Variants in ZEB1 observed in about 807,000 individuals in gnomAD.
ZEB1 encodes zinc finger E-box binding homeobox 1, also known as zinc finger E-box-binding homeobox 1.
A neutral mutation model predicts 84.9 loss-of-function variants in ZEB1; 21 were observed. The observed-to-expected ratio is 0.25, with a 90% CI of 0.18 to 0.36. The LOEUF is 0.36. ZEB1 is among the 10% of genes least tolerant of loss of function. The pLI, the probability that ZEB1 is intolerant of heterozygous loss-of-function variation, is 1.00. For synonymous variants in ZEB1, 420 were observed against 471.1 expected (o/e 0.89, Z 1.41); for missense variants, 1,104 against 1,330.2 (o/e 0.83, Z 2.65).
intron 1 of ZEB1, chr10:31,321,144 C>T: frequency 1.9e-6 from 2 of 1,041,084 alleles, no homozygotes; most frequent in South Asian, 3.4e-5. Context: ...CTTTCTCCCT[C>T]CCCTCTGGGA....
At position 31,446,871 on chromosome 10, in the gene ZEB1, GA is replaced by G. The variant is rs1036345687; in HGVS notation, c.59-14159del. Among the ~76,000 whole-genome samples, 15 of 152,090 alleles carry G rather than the reference GA, an allele frequency of 9.9e-5. No homozygotes were observed. The South Asian group carries it at 1.9e-3, about 19-fold the overall frequency. On this transcript the variant is annotated intron_variant, in intron 1 of 8. Coordinates refer to ENST00000424869, the MANE Select transcript of ZEB1 (RefSeq NM_001174096.2). ...TTTGGAATAGGTGTGGTGTGGTGCT[GA>G]AAAAAATGTATATTCTTTTGATTTG...
At chr10:31,455,407 C>T (rs1336968688) in intron 1 of ZEB1, among the ~76,000 whole-genome samples, 3 of 152,144 alleles carry the variant, frequency 2.0e-5, no homozygotes, top group Non-Finnish European at 4.4e-5. Context: ...CCAAAATTGA[C>T]AAATGGGATC....
chr10:31,453,777 T>TA (rs778800220), intron 1 of ZEB1, among the ~76,000 whole-genome samples: 44 of 150,608 alleles, frequency 2.9e-4, no homozygotes, highest in East Asian at 9.8e-4. Context: ...AGCCTCCCAA[T>TA]AAAAAAAAAT....
At chr10:31,340,055 A>G (rs965503790) in intron 1 of ZEB1, among the ~76,000 whole-genome samples, 1 of 152,204 alleles carries the variant, frequency 6.6e-6, no homozygotes, top group Non-Finnish European at 1.5e-5. Flanking sequence ...TCAGAAAGTG[A>G]GAAATATTTC....
chr10:31,408,681 T>G (rs929926620), intron 1 of ZEB1, among the ~76,000 whole-genome samples: 9 of 144,832 alleles, frequency 6.2e-5, no homozygotes, highest in Admixed American at 1.4e-4. Context: ...CTGGGAAAAC[T>G]GGCTAGCCAT....
intron 2 of ZEB1, among the ~76,000 whole-genome samples, chr10:31,479,321 G>C (rs1411899866): frequency 3.3e-5 from 5 of 151,888 alleles, no homozygotes; most frequent in Non-Finnish European, 1.5e-5. Context: ...AAGAATTAAT[G>C]ACAAGTGGTC....
intron 1 of ZEB1, among the ~76,000 whole-genome samples, chr10:31,459,161 A>G (rs1331897561): frequency 1.3e-5 from 2 of 152,150 alleles, no homozygotes; most frequent in Non-Finnish European, 2.9e-5. Flanking sequence ...TTGCACCATC[A>G]TAAAGTCAAA....
intron 2 of ZEB1, among the ~76,000 whole-genome samples, chr10:31,474,962 CA>C (rs956910281): frequency 8.1e-5 from 12 of 148,904 alleles, no homozygotes; most frequent in African/African-American, 3.0e-4. Flanking sequence ...ATCGCAAGAA[CA>C]AAAAATCAAA....
chr10:31,409,154 A>G (rs554875708), intron 1 of ZEB1, among the ~76,000 whole-genome samples: 8 of 152,330 alleles, frequency 5.3e-5, no homozygotes, highest in African/African-American at 1.9e-4. Context: ...AATGCTCATG[A>G]TCACTGGCCA....
At chr10:31,474,820 A>G (rs1208082794) in intron 2 of ZEB1, among the ~76,000 whole-genome samples, 3 of 152,202 alleles carry the variant, frequency 2.0e-5, no homozygotes, top group Non-Finnish European at 2.9e-5. Flanking sequence ...CCAAATGTCC[A>G]ACAATGATAG....
chr10:31,351,921 T>C lies in ZEB1; in HGVS notation c.58+32629T>C, dbSNP rs115101966. On this transcript the variant is annotated intron_variant, in intron 1 of 8. Coordinates refer to ENST00000424869, the MANE Select transcript of ZEB1 (RefSeq NM_001174096.2). ...TACTTCACCAAATACAATGTTTATC[T>C]TTAAAGAAGTTTCTAAATAAGACAA... is the stretch of plus-strand genomic sequence containing the variant. Among the ~76,000 whole-genome samples, 1,133 of 152,308 alleles carry C rather than the reference T, an allele frequency of 7.4e-3. 18 individuals carry two copies. Among genetic ancestry groups the C allele is most frequent in the African/African-American group, 0.025 (1,052 of 41,588 alleles).
chr10:31,335,498 C>A lies in ZEB1; in HGVS notation c.58+16206C>A, dbSNP rs118077757. ...CAAAGTTGGTTTTATATTAGAAAGT[C>A]ACTTAATAGAATTTACCACATCATC... On this transcript the variant is annotated intron_variant, in intron 1 of 8. Coordinates refer to ENST00000424869, the MANE Select transcript of ZEB1 (RefSeq NM_001174096.2). Among the ~76,000 whole-genome samples, 732 of 152,244 alleles carry A rather than the reference C, an allele frequency of 4.8e-3. 15 individuals carry two copies. Among genetic ancestry groups the A allele is most frequent in the Middle Eastern group, 0.024 (7 of 294 alleles).
At chr10:31,329,984 C>T (rs2036417840) in intron 1 of ZEB1, among the ~76,000 whole-genome samples, 1 of 152,118 alleles carries the variant, frequency 6.6e-6, no homozygotes, top group Non-Finnish European at 1.5e-5. Context: ...ATATTTCTCT[C>T]TTTCTGTTGG....
chr10:31,367,877 T>C (rs1157726434), intron 1 of ZEB1, among the ~76,000 whole-genome samples: 2 of 152,066 alleles, frequency 1.3e-5, no homozygotes, highest in African/African-American at 4.8e-5. Context: ...CCCAAAAACG[T>C]AGAACATTGA....
intron 1 of ZEB1, among the ~76,000 whole-genome samples, chr10:31,416,601 G>C (rs2055255656): frequency 6.6e-6 from 1 of 152,020 alleles, no homozygotes; most frequent in Admixed American, 6.6e-5. Flanking sequence ...ATTAGATATT[G>C]AAGCAAAATT....
chr10:31,469,888 C>T (rs1431922911), intron 2 of ZEB1, among the ~76,000 whole-genome samples: 1 of 152,212 alleles, frequency 6.6e-6, no homozygotes, highest in Non-Finnish European at 1.5e-5. Context: ...ACTGCCTCCT[C>T]AAGTGGGTCC....
chr10:31,323,993 GTGTAAA>G (rs1564459146), intron 1 of ZEB1, among the ~76,000 whole-genome samples: 1 of 148,506 alleles, frequency 6.7e-6, no homozygotes, highest in Non-Finnish European at 1.5e-5. Context: ...GTGTGTGTGT[GTGTAAA>G]TAGTTTTTCA....
At chr10:31,498,595 A>T (rs547836077) in intron 3 of ZEB1, among the ~76,000 whole-genome samples, 2 of 152,140 alleles carry the variant, frequency 1.3e-5, no homozygotes, top group African/African-American at 4.8e-5. Flanking sequence ...ATTTTATAGG[A>T]TGTAAACATT....
At chr10:31,391,231 T>TTGTGTGTGTG (rs780805467) in intron 1 of ZEB1, among the ~76,000 whole-genome samples, 39 of 134,786 alleles carry the variant, frequency 2.9e-4, no homozygotes, top group South Asian at 1.0e-3. Flanking sequence ...ACAGGTAAGT[T>TTGTGTGTGTG]TGTGTGTGTG....
Sources: allele counts gnomAD v4.1 joint callset (sites outside exome capture counted in the v4.1 genomes callset), GRCh38; gene constraint gnomAD v4.1.1; transcripts MANE v1.5; gene names NCBI Gene and HGNC (gene_info 2026-07-23, HGNC 2026-07-21).